The following NEK7 variants were observed in gnomAD, a reference collection of about 807,000 sequenced individuals.
NEK7 encodes the protein serine/threonine-protein kinase Nek7.
Under a neutral mutation model 44.6 loss-of-function variants are expected in NEK7, and 18 were observed. The observed-to-expected ratio is 0.40, with a 90% CI of 0.28 to 0.60. NEK7 has a LOEUF of 0.60. NEK7 is among the 20% of genes least tolerant of loss of function. The probability of loss-of-function intolerance (pLI) is 0.38; values close to 1 mark genes in which losing one functional copy is unlikely to be tolerated. For missense variants in NEK7, 256 were observed against 366.5 expected, an observed-to-expected ratio of 0.70 and a Z score of 2.46; for synonymous variants, 130 against 121.1, an observed-to-expected ratio of 1.07 and a Z score of -0.48.
chr1:198,169,555 C>T (rs907231067), intron 1 of NEK7, among the ~76,000 whole-genome samples: 1 of 150,738 alleles, frequency 6.6e-6, no homozygotes, highest in South Asian at 2.1e-4. Flanking sequence ...CCTGTATATT[C>T]CCCTACATTT....
At chr1:198,275,733 G>A (rs528742955) in intron 5 of NEK7, among the ~76,000 whole-genome samples, 117 of 150,860 alleles carry the variant, frequency 7.8e-4, no homozygotes, top group Non-Finnish European at 1.5e-3. Context: ...AAAAGAATTC[G>A]AATTTTCATT....
chr1:198,278,584 T>C (rs1411973267), intron 6 of NEK7, among the ~76,000 whole-genome samples: 5 of 151,904 alleles, frequency 3.3e-5, no homozygotes, highest in African/African-American at 1.2e-4. Context: ...TGGTTTTATA[T>C]TTTATGCAAA....
chr1:198,228,740 G>A (rs146752988), intron 1 of NEK7, among the ~76,000 whole-genome samples: 3,769 of 152,252 alleles, frequency 0.025, 68 homozygotes, highest in African/African-American at 0.047. Flanking sequence ...CTTTGCTGAA[G>A]TTGCCTATCA....
Position 198,290,107 on chromosome 1 carries a change from G to A in NEK7, c.590-2838G>A, listed in dbSNP as rs190502275. ...TTTATTCATGTCCGAAGGTTAAAGT[G>A]GCATAAGTATCTGCTATTGCAAAAT... On this transcript the variant is annotated intron_variant, in intron 7 of 9. Transcript: ENST00000367385. 3.6e-4 allele frequency among the ~76,000 whole-genome samples: 55 copies of A among 152,184 alleles called. 1 individual carries two copies. In the East Asian group the frequency reaches 7.5e-3, roughly 21 times the overall value.
At chr1:198,277,916 G>C (rs1309608870) in intron 5 of NEK7, 45 bp from the exon 6 acceptor site, 4 of 1,151,966 alleles carry the variant, frequency 3.5e-6, no homozygotes, top group Non-Finnish European at 3.9e-6. Flanking sequence ...ATCCAGTCTT[G>C]AGAAATTTTA....
intron 1 of NEK7, among the ~76,000 whole-genome samples, chr1:198,218,403 A>G (rs965652571): frequency 2.6e-5 from 4 of 151,850 alleles, no homozygotes; most frequent in African/African-American, 4.8e-5. Flanking sequence ...TTCTCTCACT[A>G]TATTACAAAA....
intron 9 of NEK7, among the ~76,000 whole-genome samples, chr1:198,314,655 A>G (rs1223251216): frequency 6.6e-6 from 1 of 152,192 alleles, no homozygotes; most frequent in Non-Finnish European, 1.5e-5. Flanking sequence ...TCTAACAGAC[A>G]GGACCCTCAG....
In NEK7 at chr1:198,201,591, C is replaced by G. The variant is rs80056188; in HGVS notation, c.-28-30962C>G. Among the ~76,000 whole-genome samples, 294 of 152,246 alleles carry G rather than the reference C, an allele frequency of 1.9e-3. 1 individual carries two copies. Among genetic ancestry groups the G allele is most frequent in the African/African-American group, 6.5e-3 (271 of 41,534 alleles). ...CTTTAGTTAGCAAACTAAAGTGATT[C>G]AGTTCTTTTTATAGAATCCATCATT... On this transcript the variant is annotated intron_variant, in intron 1 of 9. Transcript: ENST00000367385.
chr1:198,277,906 A>G, intron 5 of NEK7, 55 bp from the exon 6 acceptor site: 2 of 993,908 alleles, frequency 2.0e-6, no homozygotes, highest in South Asian at 1.4e-5. Context: ...GCTTACCAGA[A>G]TCCAGTCTTG....
intron 7 of NEK7, among the ~76,000 whole-genome samples, chr1:198,281,368 A>G (rs773153627): frequency 3.3e-5 from 5 of 152,126 alleles, no homozygotes; most frequent in Non-Finnish European, 5.9e-5. Flanking sequence ...TAGAAAACAC[A>G]GTAGAACTAT....
intron 1 of NEK7, among the ~76,000 whole-genome samples, chr1:198,163,191 C>T (rs1171510925): frequency 1.3e-5 from 2 of 151,960 alleles, no homozygotes; most frequent in African/African-American, 4.8e-5. Context: ...AACTGCTGGA[C>T]CATATAGTAA....
In NEK7 at chr1:198,293,284, G is replaced by A. The variant is rs188116783; in HGVS notation, c.684+245G>A. ...TTATTTTTAAAGCATTAACTTTTAT[G>A]TTAATATAACGCCTTTCTCTATATC... On this transcript the variant is annotated intron_variant, in intron 8 of 9. Transcript: ENST00000367385. Among the ~76,000 whole-genome samples the A allele has an allele frequency of 3.3e-5, 5 of 151,900 alleles. No homozygotes were observed. The East Asian group carries it at 9.7e-4, about 29-fold the overall frequency.
intron 2 of NEK7, among the ~76,000 whole-genome samples, chr1:198,233,123 G>A (rs1666448165): frequency 6.6e-6 from 1 of 150,516 alleles, no homozygotes; most frequent in African/African-American, 2.4e-5. Context: ...CTGTGCCTAA[G>A]CTTGGGAGTG....
chr1:198,262,538 T>G, intron 3 of NEK7, 37 bp from the exon 4 acceptor site: 4 of 1,288,660 alleles, frequency 3.1e-6, no homozygotes, highest in Non-Finnish European at 4.5e-6. Context: ...AACCATAGGT[T>G]ATTATTTTAT....
chr1:198,187,099 A>G (rs949756493), intron 1 of NEK7, among the ~76,000 whole-genome samples: 8 of 152,240 alleles, frequency 5.3e-5, no homozygotes, highest in Admixed American at 3.9e-4. Context: ...ATTTCTGACC[A>G]TTTGCTCTGT....
intron 7 of NEK7, among the ~76,000 whole-genome samples, chr1:198,284,778 A>T (rs1654317817): frequency 6.6e-6 from 1 of 152,198 alleles, no homozygotes; most frequent in Non-Finnish European, 1.5e-5. Flanking sequence ...GAACAATTTT[A>T]TATATTCCAA....
At chr1:198,227,138 G>A (rs1469503849) in intron 1 of NEK7, among the ~76,000 whole-genome samples, 5 of 151,932 alleles carry the variant, frequency 3.3e-5, no homozygotes, top group African/African-American at 7.3e-5. Flanking sequence ...TTGTCCTTGC[G>A]ATAGTTTGCT....
rs1490018351 is a variant in NEK7 at position 198,193,288 on chromosome 1, C to T, written c.-29+36012C>T. Among the ~76,000 whole-genome samples, 6 of 152,140 alleles carry T rather than the reference C, an allele frequency of 3.9e-5. No individual in the cohort carries two copies. In the East Asian group the frequency reaches 5.8e-4, roughly 15 times the overall value. On this transcript the variant is annotated intron_variant, in intron 1 of 9. Coordinates refer to ENST00000367385, the MANE Select transcript of NEK7 (RefSeq NM_133494.3). ...AGTTAATCCCTAAATAGACCAATAA[C>T]GAGTTCTGAAATTGAGGCAGTAATA...
intron 9 of NEK7, among the ~76,000 whole-genome samples, chr1:198,314,278 C>A (rs139450744): frequency 0.046 from 6,948 of 152,282 alleles, 244 homozygotes; most frequent in Middle Eastern, 0.071. Context: ...TGGTTTTCAG[C>A]TCCATCAGCT....
Sources: allele counts gnomAD v4.1 joint callset (sites outside exome capture counted in the v4.1 genomes callset), GRCh38; gene constraint gnomAD v4.1.1; transcripts MANE v1.5; gene names NCBI Gene and HGNC (gene_info 2026-07-23, HGNC 2026-07-21).